Variants in RASL12 observed in about 807,000 individuals in gnomAD.
The protein encoded by RASL12 is RAS like family 12, also known as ras-like protein family member 12.
Under a neutral mutation model 22.9 loss-of-function variants are expected in RASL12, and 16 were observed. The observed-to-expected ratio is 0.70, with a 90% confidence interval of 0.47 to 1.06. The LOEUF (loss-of-function observed/expected upper bound fraction) is 1.06. RASL12 is among the 50% of genes least tolerant of loss of function. The probability of loss-of-function intolerance (pLI) is 0.00; values close to 1 mark genes in which losing one functional copy is unlikely to be tolerated. For missense variants in RASL12, 306 were observed against 353.1 expected (o/e 0.87, Z 1.07); for synonymous variants, 159 against 152.2 (o/e 1.04, Z -0.33).
downstream of RASL12, chr15:65,052,930 A>G: frequency 5.1e-6 from 6 of 1,169,326 alleles, no homozygotes; most frequent in Non-Finnish European, 6.3e-6. Context: ...CCAACCACTC[A>G]GCCCCCCTCA....
chr15:65,072,333 G>A (rs2086937493), upstream of RASL12, among the ~76,000 whole-genome samples: 1 of 152,238 alleles, frequency 6.6e-6, no homozygotes, highest in Non-Finnish European at 1.5e-5. Context: ...TCCCATCACT[G>A]CTTTGATGGA....
At chr15:65,052,680 AG>A (rs1190233732), downstream of RASL12, among the ~76,000 whole-genome samples, 1 of 152,120 alleles carries the variant, frequency 6.6e-6, no homozygotes, top group Non-Finnish European at 1.5e-5. Flanking sequence ...TACAGGTGTG[AG>A]CCACTGCACC....
At chr15:65,065,007 A>T (rs893150479) in intron 2 of RASL12, among the ~76,000 whole-genome samples, 1 of 152,220 alleles carries the variant, frequency 6.6e-6, no homozygotes, top group Non-Finnish European at 1.5e-5. Context: ...TCTGTGAATT[A>T]GGCCAACCCC....
At chr15:65,076,540 G>T (rs149689165) in exon 1 of RASL12, 1 of 700,614 alleles carries the variant, frequency 1.4e-6, no homozygotes, top group Non-Finnish European at 2.6e-6. Flanking sequence ...TCGAGGGTCC[G>T]CGGCTTCATT....
chr15:65,071,803 C>T (rs920286860), upstream of RASL12, among the ~76,000 whole-genome samples: 1 of 152,050 alleles, frequency 6.6e-6, no homozygotes, highest in Non-Finnish European at 1.5e-5. Context: ...GCAGCCCTGG[C>T]CCCCTGGGAG....
intron 1 of RASL12, among the ~76,000 whole-genome samples, chr15:65,066,471 C>T (rs1025109454): frequency 2.6e-5 from 4 of 151,504 alleles, no homozygotes; most frequent in African/African-American, 4.9e-5. Flanking sequence ...GTCATGATCG[C>T]GCCATTGTAC....
downstream of RASL12, chr15:65,052,831 C>A: frequency 1.4e-6 from 1 of 710,780 alleles, no homozygotes; most frequent in East Asian, 2.7e-5. Flanking sequence ...AATATCCAAC[C>A]ATTGCCGCTT....
rs755434010 is a variant in RASL12, at chr15:65,054,866, G to A, written c.*33C>T. ...CCCTGTCCTGCTGCAGTCCTGTCCA[G>A]CCACCGAGCCTAGGCTTCCTGGGGA... On this transcript the variant is annotated 3_prime_UTR_variant, in exon 5 of 5. Transcript: ENST00000220062. 8 of 1,584,444 alleles carry A rather than the reference G, an allele frequency of 5.0e-6. No individual in the cohort carries two copies. In the South Asian group the frequency reaches 8.0e-5, roughly 16 times the overall value.
intron 1 of RASL12, among the ~76,000 whole-genome samples, chr15:65,073,812 T>C (rs1212164404): frequency 6.6e-6 from 1 of 152,214 alleles, no homozygotes; most frequent in Admixed American, 6.5e-5. Context: ...GGAGAAATAA[T>C]AGTATCTACT....
chr15:65,057,949 G>C (rs1190170372), intron 4 of RASL12, among the ~76,000 whole-genome samples: 1 of 152,200 alleles, frequency 6.6e-6, no homozygotes, highest in African/African-American at 2.4e-5. Flanking sequence ...TGGCTGCCTG[G>C]AAGACCAACA....
At chr15:65,048,212 A>G in the RASL12 span, among the ~76,000 whole-genome samples, 1 of 151,748 alleles carries the variant, frequency 6.6e-6, no homozygotes, top group Non-Finnish European at 1.5e-5. Flanking sequence ...AAAAAAGTCT[A>G]AGAAAGGTCT....
In RASL12 at chr15:65,067,900, C is replaced by A. The variant is rs867394689; in HGVS notation, c.-65G>T. ...GGCCCCGCGCAGTGCGCCCGCCCGT[C>A]GGGGCCCAGGGGAGCGGGATGCAGG... On this transcript the variant is annotated 5_prime_UTR_variant, in exon 1 of 5. Coordinates refer to ENST00000220062, the MANE Select transcript of RASL12 (RefSeq NM_016563.4). 3.6e-6 allele frequency: 5 copies of A among 1,370,724 alleles called. No homozygotes were observed. Among genetic ancestry groups the A allele is most frequent in the South Asian group, 3.4e-5 (2 of 58,534 alleles). 84.9% of individuals were successfully genotyped at this position (1,370,724 alleles called of 1,614,324 possible). A position where few individuals can be genotyped will look rare whatever the true frequency, so the allele number is the denominator to read the frequency against.
intron 1 of RASL12, among the ~76,000 whole-genome samples, chr15:65,066,932 G>A (rs1456246316): frequency 6.6e-6 from 1 of 152,236 alleles, no homozygotes; most frequent in African/African-American, 2.4e-5. Context: ...AGCCAGCCAG[G>A]AGTGGCATAG....
chr15:65,064,482 G>A (rs1205842136), intron 2 of RASL12, among the ~76,000 whole-genome samples: 1 of 152,118 alleles, frequency 6.6e-6, no homozygotes, highest in Non-Finnish European at 1.5e-5. Context: ...TTTCTCATAC[G>A]GTTAAAAAAC....
intron 2 of RASL12, among the ~76,000 whole-genome samples, chr15:65,062,004 C>G (rs562178623): frequency 3.3e-5 from 5 of 151,734 alleles, no homozygotes; most frequent in Admixed American, 2.6e-4. Flanking sequence ...TGGTGTGAAC[C>G]CGGGAGGTGG....
intron 2 of RASL12, among the ~76,000 whole-genome samples, chr15:65,062,063 CAAAAAAAA>C (rs547999122): frequency 5.2e-5 from 4 of 77,422 alleles, no homozygotes; most frequent in African/African-American, 9.3e-5. Context: ...CCTGGGTGAC[CAAAAAAAA>C]AAAAAAAAAG....
At chr15:65,047,795 T>TGATA in the RASL12 span, among the ~76,000 whole-genome samples, 26,941 of 149,780 alleles carry the variant, frequency 0.18, 2,895 homozygotes, top group African/African-American at 0.31. Context: ...GATCGATAGA[T>TGATA]GATAGATAGA....
Position 65,058,478 on chromosome 15 carries a change from C to A in RASL12, c.374G>T (p.Arg125Leu). The A allele has an allele frequency of 6.2e-7, 1 of 1,606,952 alleles. No individual in the cohort carries two copies. The highest frequency in any genetic ancestry group is 1.1e-5 in the South Asian group (1 of 90,152). ...LLALHAKETQ[R>L]SIPALLLGNK... The stretch of plus-strand genomic sequence containing the variant: ...GCCCAGCAGCAGGGCAGGGATGCTG[C>A]GCTGTGTCTCCTTCGCGTGCAAGGC... The change falls in exon 4 of 5, where the codon CGC becomes CTC. Residue 125 changes from arginine (R) to leucine (L), a missense_variant. Transcript: ENST00000220062.
intron 1 of RASL12, among the ~76,000 whole-genome samples, chr15:65,075,198 C>T (rs991917171): frequency 1.3e-5 from 2 of 152,210 alleles, no homozygotes; most frequent in Non-Finnish European, 1.5e-5. Flanking sequence ...TACTGGGTCC[C>T]CCAGCAATGC....
Sources: allele counts gnomAD v4.1 joint callset (sites outside exome capture counted in the v4.1 genomes callset), GRCh38; gene constraint gnomAD v4.1.1; transcripts MANE v1.5; gene names NCBI Gene and HGNC (gene_info 2026-07-23, HGNC 2026-07-21).